The following SPTA1 variants were observed in gnomAD, a reference collection of about 807,000 sequenced individuals.
SPTA1 encodes the protein spectrin alpha, erythrocytic 1.
In SPTA1, 177 loss-of-function variants were observed where a neutral mutation model predicts 324.7. That is an observed-to-expected ratio of 0.55 (90% CI 0.48 to 0.62). The LOEUF is 0.62. Ranked by LOEUF, SPTA1 falls within the 20% of genes least tolerant of loss-of-function variation. The pLI is 0.00. For synonymous variants in SPTA1, 1,195 were observed against 1,041.3 expected (o/e 1.15, Z -2.84); for missense variants, 3,162 against 2,883.6 (o/e 1.10, Z -2.21).
chr1:158,683,496 C>T lies in SPTA1; in HGVS notation c.265G>A (p.Gly89Arg), dbSNP rs1424359336. The T allele has an allele frequency of 1.2e-6, 2 of 1,612,686 alleles. No homozygotes were observed. Among genetic ancestry groups the T allele is most frequent in the African/African-American group, 1.3e-5 (1 of 74,870 alleles). The change falls in exon 3 of 52, where the codon GGG becomes AGG. Residue 89 changes from glycine (G) to arginine (R), a missense_variant and splice_region_variant. Physicochemically the swap from Gly to Arg is moderately radical, Grantham distance 125. Transcript: ENST00000643759. ...KSYEDPTNIQ[G>R]KYQKHQSLEA... ...AGGGATTGATGCTTCTGATATTTCCCCTAAAGTTTAGAAATCAGAGTTTTT... is the reference window on the plus strand; with the variant it reads ...AGGGATTGATGCTTCTGATATTTCCTCTAAAGTTTAGAAATCAGAGTTTTT...
At position 158,639,582 on chromosome 1, in the gene SPTA1, C is replaced by T. The variant is rs1438264032; in HGVS notation, c.4980G>A (p.Glu1660=). The T allele has an allele frequency of 6.2e-7, 1 of 1,613,558 alleles. No individual in the cohort carries two copies. The highest frequency in any genetic ancestry group is 1.3e-5 in the African/African-American group (1 of 74,890). The change falls in exon 35 of 52, where the codon GAG becomes GAA. Residue 1660 remains glutamate (E), a splice_region_variant and synonymous_variant. Transcript: ENST00000643759. ...QLLEREMLAR[E]DALKDLNTLA... is the part of the protein sequence containing the mutation. ...GGAGAGGGATGCCAACACTACTTAC[C>T]TCTCGAGCCAACATCTCTCTCTCCA...
At chr1:158,683,249 A>G (rs1472103932) in intron 3 of SPTA1, 122 bp downstream of exon 3, 11 of 1,367,166 alleles carry the variant, frequency 8.0e-6, no homozygotes, top group Non-Finnish European at 1.1e-5. Flanking sequence ...CCCCAGGGGA[A>G]GATAAGAGGC....
At chr1:158,622,820 T>A in intron 43 of SPTA1, 163 bp downstream of exon 43, 1 of 708,160 alleles carries the variant, frequency 1.4e-6, no homozygotes, top group Non-Finnish European at 2.4e-6. Context: ...TTAAAGCTTC[T>A]TTTCAATCTA....
intron 24 of SPTA1, among the ~76,000 whole-genome samples, 183 bp downstream of exon 24, chr1:158,651,184 C>CA (rs1652401626): frequency 6.6e-6 from 1 of 152,148 alleles, no homozygotes; most frequent in Admixed American, 6.5e-5. Flanking sequence ...TTAATTTAGA[C>CA]AACAAAAATA....
chr1:158,651,409 T>C lies in SPTA1; in HGVS notation c.3435A>G (p.Leu1145=), dbSNP rs1369717850. Residue 1145 remains leucine, a synonymous_variant, in exon 24 of 52, where the codon CTA becomes CTG. Coordinates refer to ENST00000643759, the MANE Select transcript of SPTA1 (RefSeq NM_003126.4). ...RDINKVADDL[L]FEGLLTPEGA... ...CTTCTGGTGTTAGAAGTCCTTCAAA[T>C]AGTAGATCATCAGCTACCTTGTTGA... The C allele has an allele frequency of 6.2e-7, 1 of 1,614,010 alleles. No individual in the cohort carries two copies. Among genetic ancestry groups the C allele is most frequent in the South Asian group, 1.1e-5 (1 of 91,080 alleles).
rs549664412 is a variant in SPTA1 at position 158,610,877 on chromosome 1, A to G, written c.*387T>C. 204 of 202,872 alleles carry G rather than the reference A, an allele frequency of 1.0e-3. No homozygotes were observed. Among genetic ancestry groups the G allele is most frequent in the African/African-American group, 4.6e-3 (195 of 42,528 alleles). The allele number at this position is 202,872 out of a possible 1,614,324, so 12.6% of individuals were successfully genotyped here. The stretch of plus-strand genomic sequence containing the variant: ...ATGAGTACAGTTCCCAGAAATATAG[A>G]AGCTCAACATTTTACTTAACTTTGC... On this transcript the variant is annotated 3_prime_UTR_variant, in exon 52 of 52. Coordinates refer to ENST00000643759, the MANE Select transcript of SPTA1 (RefSeq NM_003126.4).
chr1:158,681,205 C>T (rs1184542551), intron 4 of SPTA1, among the ~76,000 whole-genome samples: 1 of 151,950 alleles, frequency 6.6e-6, no homozygotes, highest in East Asian at 1.9e-4. Flanking sequence ...TCAGCCAGAC[C>T]CCAGAGTAAG....
intron 11 of SPTA1, among the ~76,000 whole-genome samples, chr1:158,671,721 C>G (rs987208954): frequency 6.6e-6 from 1 of 152,144 alleles, no homozygotes; most frequent in African/African-American, 2.4e-5. Context: ...CTCAAAACTG[C>G]CTCAAGTGGC....
intron 27 of SPTA1, 47 bp from the exon 28 acceptor site, chr1:158,645,641 G>T: frequency 6.3e-7 from 1 of 1,585,332 alleles, no homozygotes; most frequent in Non-Finnish European, 8.7e-7. Flanking sequence ...CTTGCAACTT[G>T]CTACAGTGCT....
chr1:158,655,528 A>G (rs1052089859), intron 20 of SPTA1, among the ~76,000 whole-genome samples: 1 of 151,954 alleles, frequency 6.6e-6, no homozygotes, highest in Admixed American at 6.6e-5. Context: ...ATACCACACA[A>G]TATATAAATC....
chr1:158,685,179 G>A lies in SPTA1; in HGVS notation c.193C>T (p.Leu65=), dbSNP rs1308150672. 1 of 1,613,598 alleles carries A rather than the reference G, an allele frequency of 6.2e-7. No homozygotes were observed. The change falls in exon 2 of 52, where the codon CTG becomes TTG. Residue 65 remains leucine (L), a synonymous_variant. Coordinates refer to ENST00000643759, the MANE Select transcript of SPTA1 (RefSeq NM_003126.4). ...ACTTTCTCCATGATCCACTTCCCCA[G>A]ATCATCTGCATCTCGCTTGAAAACT... ...LQVFKRDADD[L]GKWIMEKVNI...
rs538168020 is a variant in SPTA1 at position 158,625,942 on chromosome 1, T to TA, written c.5910+203dup. Among the ~76,000 whole-genome samples, 256 of 150,560 alleles carry TA rather than the reference T, an allele frequency of 1.7e-3. 1 individual carries two copies. The highest frequency in any genetic ancestry group is 5.7e-3 in the African/African-American group (233 of 41,096). On this transcript the variant is annotated intron_variant, in intron 42 of 51. Coordinates refer to ENST00000643759, the MANE Select transcript of SPTA1 (RefSeq NM_003126.4). ...ATTAAAAAGCTGAATGTTGGTTGTC[T>TA]AAAAAAAAATTGATGAAAACCCAGT...
Position 158,613,851 on chromosome 1 carries a change from A to G in SPTA1, c.6859T>C (p.Leu2287=). The change falls in exon 50 of 52, where the codon TTG becomes CTG. Residue 2287 remains leucine (L), a synonymous_variant. Coordinates refer to ENST00000643759, the MANE Select transcript of SPTA1 (RefSeq NM_003126.4). ...TCTTTGTGAGTCAGGCGCCCTGTCA[A>G]ATTCTCATCAAAGTGTCTAAAGGAT... is the stretch of plus-strand genomic sequence containing the variant. ...STIYKHFDEN[L]TGRLTHKEFR... is the part of the protein sequence containing the mutation. 1 of 1,613,918 alleles carries G rather than the reference A, an allele frequency of 6.2e-7. No homozygotes were observed. Among genetic ancestry groups the G allele is most frequent in the East Asian group, 2.2e-5 (1 of 44,864 alleles).
chr1:158,614,543 A>C lies in SPTA1; in HGVS notation c.6789-237T>G. 9.3e-6 allele frequency: 4 copies of C among 430,708 alleles called. No individual in the cohort carries two copies. The South Asian group carries it at 1.7e-4, about 19-fold the overall frequency. The allele number at this position is 430,708 out of a possible 1,614,324, so 26.7% of individuals were successfully genotyped here. ...ATATGGTTGAAGACAATCAAAAGAA[A>C]ATTTTTTGAAACATGAAAATTACAT... is the stretch of plus-strand genomic sequence containing the variant. On this transcript the variant is annotated intron_variant, in intron 48 of 51. Transcript: ENST00000643759.
rs1654030454 is a variant in SPTA1 at position 158,671,562 on chromosome 1, T to G, written c.1489-109A>C. 15 of 820,204 alleles carry G rather than the reference T, an allele frequency of 1.8e-5. No homozygotes were observed. The South Asian group carries it at 1.8e-4, about 10-fold the overall frequency. The allele number at this position is 820,204 out of a possible 1,614,324, so 50.8% of individuals were successfully genotyped here. On this transcript the variant is annotated intron_variant, in intron 11 of 51. Transcript: ENST00000643759. ...AGGCAGGAGGGAACAAGGTGGGAAT[T>G]AGCACACATTATGATAATGGGTAGA...
rs186102320 is a variant in SPTA1 at position 158,672,345 on chromosome 1, T to G, written c.1351-149A>C. 201 of 763,540 alleles carry G rather than the reference T, an allele frequency of 2.6e-4. No homozygotes were observed. In the African/African-American group the frequency reaches 3.3e-3, roughly 12 times the overall value. 47.3% of individuals were successfully genotyped at this position (763,540 alleles called of 1,614,324 possible). A position where few individuals can be genotyped will look rare whatever the true frequency, so the allele number is the denominator to read the frequency against. On this transcript the variant is annotated intron_variant, in intron 10 of 51. Transcript: ENST00000643759. ...AGATTCCAACTTTTAAGCAAATGAT[T>G]GTACTATAGGAAGAATGGGATAAAT...
chr1:158,686,130 T>A (rs1655157251), intron 1 of SPTA1, among the ~76,000 whole-genome samples: 1 of 151,344 alleles, frequency 6.6e-6, no homozygotes, highest in South Asian at 2.1e-4. Flanking sequence ...AATATAGAGT[T>A]TAAATTTTAA....
In SPTA1 at chr1:158,612,871, G is replaced by A. The variant is rs1649346002; in HGVS notation, c.7080C>T (p.Ala2360=). ...ACTTGCCCTCTGCCAGGGCTTGGAAGGCATTCTCTATTTCATCACTGGACT... is the reference window on the plus strand; with the variant it reads ...ACTTGCCCTCTGCCAGGGCTTGGAAAGCATTCTCTATTTCATCACTGGACT... ...NIKSSDEIEN[A]FQALAEGKSY... is the part of the protein sequence containing the mutation. Residue 2360 remains alanine, a synonymous_variant, in exon 51 of 52, where the codon GCC becomes GCT. Transcript: ENST00000643759. The A allele has an allele frequency of 6.2e-7, 1 of 1,613,946 alleles. No homozygotes were observed. Among genetic ancestry groups the A allele is most frequent in the Non-Finnish European group, 8.5e-7 (1 of 1,179,912 alleles).
At position 158,615,391 on chromosome 1, in the gene SPTA1, CCTT is replaced by C. The variant is rs769623748; in HGVS notation, c.6610_6612del (p.Lys2204del). On this transcript the variant is annotated inframe_deletion, in exon 48 of 52. Transcript: ENST00000643759. ...AGTTGACGCTTCATCGCCTGGATCT[CCTT>C]CTGTTTTCTCTGGAAAAACGACAGA... 7 of 1,614,030 alleles carry C rather than the reference CCTT, an allele frequency of 4.3e-6. No homozygotes were observed. The highest frequency in any genetic ancestry group is 1.3e-5 in the African/African-American group (1 of 75,048).
Sources: gnomAD v4.1 joint callset for allele counts (sites outside exome capture counted in the v4.1 genomes callset) on GRCh38, gnomAD v4.1.1 for gene constraint, MANE v1.5 for transcripts, NCBI Gene and HGNC (gene_info 2026-07-23, HGNC 2026-07-21) for gene names.